Variants in DIP2A observed in about 807,000 individuals in gnomAD.
DIP2A encodes DIP2 acetate--CoA ligase A, also known as disco-interacting protein 2 homolog A.
DIP2A carries 85 observed loss-of-function variants against 177.4 expected under a neutral mutation model. That is an observed-to-expected ratio of 0.48 (90% CI 0.40 to 0.57). The LOEUF (loss-of-function observed/expected upper bound fraction) is 0.57. DIP2A is among the 20% of genes least tolerant of loss of function. The probability of loss-of-function intolerance (pLI) is 0.00; values close to 1 mark genes in which losing one functional copy is unlikely to be tolerated. For missense variants in DIP2A, 1,791 were observed against 2,100.2 expected (o/e 0.85, Z 2.88); for synonymous variants, 886 against 881.8 (o/e 1.00, Z -0.08).
At chr21:46,546,392 C>T in intron 20 of DIP2A, 2 of 854,092 alleles carry the variant, frequency 2.3e-6, no homozygotes, top group Non-Finnish European at 2.9e-6. Flanking sequence ...GACATTTTTG[C>T]TTGTCACAAC....
At chr21:46,473,394 G>T (rs889527752) in intron 1 of DIP2A, among the ~76,000 whole-genome samples, 1 of 145,700 alleles carries the variant, frequency 6.9e-6, no homozygotes, top group African/African-American at 2.5e-5. Flanking sequence ...GATTGAGGCT[G>T]CAGTGAACCG....
Position 46,554,927 on chromosome 21 carries a change from G to C in DIP2A, c.3382G>C (p.Asp1128His), listed in dbSNP as rs1396740672. 6.4e-7 allele frequency: 1 copy of C among 1,551,920 alleles called. No homozygotes were observed. Among genetic ancestry groups the C allele is most frequent in the Non-Finnish European group, 8.7e-7 (1 of 1,147,726 alleles). The change falls in exon 28 of 38, where the codon GAC becomes CAC. Residue 1128 changes from aspartate (D) to histidine (H), a missense_variant. Coordinates refer to ENST00000417564, the MANE Select transcript of DIP2A (RefSeq NM_015151.4). ...VDIRTWPTIL[D>H]TDDIPKKKIA... ...CATCAGGACCTGGCCCACCATCCTA[G>C]ACACAGGTGCGTGTCCTCGCACTGC...
chr21:46,498,802 A>C lies in DIP2A; in HGVS notation c.624A>C (p.Ala208=). 1.2e-6 allele frequency: 2 copies of C among 1,613,524 alleles called. No homozygotes were observed. The highest frequency in any genetic ancestry group is 1.7e-6 in the Non-Finnish European group (2 of 1,179,760). Reference sequence around the variant, plus strand: ...CGCCGGGGGCCGCCGCTACCACTGCACTCGCAGGCCTCGAGGCCCACACCC... The same window carrying C: ...CGCCGGGGGCCGCCGCTACCACTGCCCTCGCAGGCCTCGAGGCCCACACCC... ...AATPGAAATT[A]LAGLEAHTHI... Residue 208 remains alanine (A), a synonymous_variant, in exon 5 of 38, where the codon GCA becomes GCC. Coordinates refer to ENST00000417564, the MANE Select transcript of DIP2A (RefSeq NM_015151.4). This position sits in a 1 kb window ranked among gnomAD's most constrained non-coding sequence, Gnocchi z 4.3.
Position 46,534,593 on chromosome 21 carries a change from C to G in DIP2A, c.1548C>G (p.Thr516=). 1 of 1,613,512 alleles carries G rather than the reference C, an allele frequency of 6.2e-7. No homozygotes were observed. Among genetic ancestry groups the G allele is most frequent in the Non-Finnish European group, 8.5e-7 (1 of 1,179,798 alleles). ...TCCTTGAAATCTTTCAGTATAAAAC[C>G]AGCAAAGAAGGCAGTACGGTGGGGG... ...GTGTAYIEYK[T]SKEGSTVGVT... is the part of the protein sequence containing the mutation. Residue 516 remains threonine, a synonymous_variant, in exon 13 of 38, where the codon ACC becomes ACG. Transcript: ENST00000417564.
At chr21:46,558,498 T>C in intron 32 of DIP2A, 105 bp downstream of exon 32, 2 of 1,172,244 alleles carry the variant, frequency 1.7e-6, no homozygotes, top group South Asian at 2.7e-5. Flanking sequence ...GATCTATTTC[T>C]CCTTCTCTGG....
rs749097188 is a variant in DIP2A at position 46,554,634 on chromosome 21, G to T, written c.3214G>T (p.Val1072Leu). 1.9e-6 allele frequency: 3 copies of T among 1,602,260 alleles called. No homozygotes were observed. Among genetic ancestry groups the T allele is most frequent in the Non-Finnish European group, 2.6e-6 (3 of 1,174,850 alleles). Residue 1072 changes from valine (V) to leucine (L), a missense_variant, in exon 27 of 38, where the codon GTG (valine) becomes TTG (leucine). Coordinates refer to ENST00000417564, the MANE Select transcript of DIP2A (RefSeq NM_015151.4). ...CLYCGCVPVT[V>L]RPPHPQNLGT... is the part of the protein sequence containing the mutation. Reference sequence around the variant, plus strand: ...GTACTGTGGCTGCGTGCCTGTCACCGTGCGGCCCCCGCACCCTCAGAACCT... The same window carrying T: ...GTACTGTGGCTGCGTGCCTGTCACCTTGCGGCCCCCGCACCCTCAGAACCT...
In DIP2A at chr21:46,496,050, G is replaced by A. The variant is rs538024790; in HGVS notation, c.284-938G>A. ...TCACGCCATTGCATTCTAGCCTGGC[G>A]ACAGATCGAGACTCCATCTCAAAAA... On this transcript the variant is annotated intron_variant, in intron 3 of 37. Coordinates refer to ENST00000417564, the MANE Select transcript of DIP2A (RefSeq NM_015151.4). Among the ~76,000 whole-genome samples the A allele has an allele frequency of 4.1e-5, 6 of 146,040 alleles. No homozygotes were observed. The South Asian group carries it at 6.9e-4, about 17-fold the overall frequency.
chr21:46,504,285 A>AT (rs2057860213), intron 5 of DIP2A, 76 bp from the exon 6 acceptor site: 1 of 1,568,908 alleles, frequency 6.4e-7, no homozygotes, highest in Non-Finnish European at 8.7e-7. Context: ...CTTTAGACTA[A>AT]CGGGGTTTCA....
At chr21:46,558,458 A>G (rs118172174) in intron 32 of DIP2A, 65 bp downstream of exon 32, 19,873 of 1,509,746 alleles carry the variant, frequency 0.013, 155 homozygotes, top group Non-Finnish European at 0.016. Flanking sequence ...CCAGTTTCCC[A>G]GTTGTTAATG....
At chr21:46,548,110 G>A (rs1280042780) in intron 21 of DIP2A, among the ~76,000 whole-genome samples, 2 of 152,166 alleles carry the variant, frequency 1.3e-5, no homozygotes, top group East Asian at 1.9e-4. Flanking sequence ...AAAGCCCAGA[G>A]GATGGACAAC....
chr21:46,481,742 G>C (rs969152852), intron 1 of DIP2A, among the ~76,000 whole-genome samples: 1 of 152,154 alleles, frequency 6.6e-6, no homozygotes, highest in Non-Finnish European at 1.5e-5. Context: ...ACTGAAAGCA[G>C]AAAAAACAAT....
chr21:46,507,391 A>C (rs1412172067), intron 6 of DIP2A, among the ~76,000 whole-genome samples: 1 of 152,188 alleles, frequency 6.6e-6, no homozygotes, highest in Non-Finnish European at 1.5e-5. Flanking sequence ...TTTTAGCCTA[A>C]GTATCAGGTA....
intron 33 of DIP2A, chr21:46,561,327 CATACAGTGT>C (rs1476668751): frequency 3.1e-6 from 1 of 321,082 alleles, no homozygotes; most frequent in East Asian, 8.9e-5. Flanking sequence ...GATGGTGGTG[CATACAGTGT>C]GTGCTTGCTG....
chr21:46,566,170 G>A (rs8133340), intron 36 of DIP2A, among the ~76,000 whole-genome samples: 10,906 of 152,210 alleles, frequency 0.072, 1,080 homozygotes, highest in African/African-American at 0.23. Flanking sequence ...TCTCTCTGCC[G>A]CTGTGTCTTT....
downstream of DIP2A, among the ~76,000 whole-genome samples, chr21:46,572,854 A>G (rs1422534826): frequency 2.6e-5 from 4 of 152,182 alleles, no homozygotes; most frequent in African/African-American, 9.7e-5. Context: ...TACCTTTTCT[A>G]AATTTGGACA....
At chr21:46,464,854 A>C (rs2148255720) in intron 1 of DIP2A, among the ~76,000 whole-genome samples, 1 of 82,312 alleles carries the variant, frequency 1.2e-5, no homozygotes, top group East Asian at 3.9e-4. Context: ...TCAAGAAAAC[A>C]CACAACAAAT....
chr21:46,530,912 A>G (rs544688909), intron 9 of DIP2A, among the ~76,000 whole-genome samples: 1 of 152,334 alleles, frequency 6.6e-6, no homozygotes, highest in Non-Finnish European at 1.5e-5. Context: ...TGCTTCAGAC[A>G]TTCAGAGGGA....
chr21:46,538,803 A>T, intron 16 of DIP2A: 2 of 731,636 alleles, frequency 2.7e-6, no homozygotes, highest in South Asian at 4.0e-5. Context: ...CACTAAATTT[A>T]AAAGCAATTT....
intron 1 of DIP2A, among the ~76,000 whole-genome samples, chr21:46,461,256 C>CCTG (rs1385265096): frequency 2.4e-5 from 2 of 84,388 alleles, no homozygotes; most frequent in African/African-American, 8.5e-5. Flanking sequence ...AGAGCGAGAA[C>CCTG]CTGTCTCTTC....
Sources: allele counts gnomAD v4.1 joint callset (sites outside exome capture counted in the v4.1 genomes callset), GRCh38; gene constraint gnomAD v4.1.1; non-coding constraint Gnocchi (gnomAD v3.1); transcripts MANE v1.5; gene names NCBI Gene and HGNC (gene_info 2026-07-23, HGNC 2026-07-21).